DEDD2: variants seen among roughly 807,000 people sequenced by gnomAD.
DEDD2 encodes the protein DNA-binding death effector domain-containing protein 2.
DEDD2 carries 18 observed loss-of-function variants against 28.9 expected under a neutral mutation model. The ratio of observed to expected loss-of-function variants is 0.62; its 90% confidence interval spans 0.43 to 0.92. DEDD2 has a LOEUF of 0.92. Ranked by LOEUF, DEDD2 falls within the 40% of genes least tolerant of loss-of-function variation. The pLI is 0.00. For synonymous variants in DEDD2, 211 were observed against 206.1 expected (o/e 1.02, Z -0.20); for missense variants, 411 against 463.3 (o/e 0.89, Z 1.04).
At chr19:42,202,389 C>G (rs2035367185) in intron 4 of DEDD2, among the ~76,000 whole-genome samples, 1 of 152,186 alleles carries the variant, frequency 6.6e-6, no homozygotes, top group Admixed American at 6.5e-5. Context: ...CCTCCTCCAT[C>G]CAGAACATTT....
intron 4 of DEDD2, among the ~76,000 whole-genome samples, chr19:42,203,893 C>T (rs1017855691): frequency 6.6e-6 from 1 of 152,178 alleles, no homozygotes; most frequent in African/African-American, 2.4e-5. Flanking sequence ...CCAGTGTGGC[C>T]CTGAGGTGGC....
intron 3 of DEDD2, among the ~76,000 whole-genome samples, 164 bp from the exon 4 acceptor site, chr19:42,210,004 T>C (rs1483575143): frequency 6.6e-6 from 1 of 151,994 alleles, no homozygotes; most frequent in Non-Finnish European, 1.5e-5. Flanking sequence ...GAGTACCATC[T>C]AGCATCATCT....
chr19:42,205,105 G>A (rs1335152684), intron 4 of DEDD2, among the ~76,000 whole-genome samples: 1 of 152,102 alleles, frequency 6.6e-6, no homozygotes, highest in African/African-American at 2.4e-5. Flanking sequence ...AAAAGACAGG[G>A]TAGAACACAC....
At chr19:42,206,129 C>G (rs2035524889) in intron 4 of DEDD2, among the ~76,000 whole-genome samples, 1 of 151,470 alleles carries the variant, frequency 6.6e-6, no homozygotes, top group South Asian at 2.1e-4. Context: ...AAAGCTGATC[C>G]TGTCATTCAA....
chr19:42,209,948 G>A, intron 3 of DEDD2, 108 bp from the exon 4 acceptor site: 3 of 1,362,904 alleles, frequency 2.2e-6, no homozygotes, highest in Non-Finnish European at 2.9e-6. Flanking sequence ...GACCCTGAGT[G>A]AGCCAGTCTG....
chr19:42,200,789 G>C (rs1264380785), intron 4 of DEDD2, among the ~76,000 whole-genome samples: 4 of 152,226 alleles, frequency 2.6e-5, no homozygotes, highest in African/African-American at 9.6e-5. Flanking sequence ...GCCAGTTTGA[G>C]TCGGTTTCTG....
Position 42,199,761 on chromosome 19 carries a change from G to A in DEDD2, c.658C>T (p.Arg220Trp), listed in dbSNP as rs2035252354. Residue 220 changes from arginine to tryptophan, a missense_variant, in exon 5 of 5, where the codon CGG becomes TGG. By Grantham distance (101) the Arg-to-Trp change is moderately radical (BLOSUM62 -3). Around this residue, in one of 2 missense-constraint regions of DEDD2, gnomAD observed 129 missense variants for 189.9 expected, o/e 0.68. Coordinates refer to ENST00000596251, the MANE Select transcript of DEDD2 (RefSeq NM_133328.4). The surrounding 1 kb of genome is among the most constrained non-coding windows in gnomAD (Gnocchi z 7.4). ...GPALEQGVAS[R>W]RPQALARQLD... ...TGCCGCGCCAGCGCCTGGGGCCGCC[G>A]GGATGCCACGCCCTGCTCCAAGGCT... is the stretch of plus-strand genomic sequence containing the variant. 3.7e-6 allele frequency: 6 copies of A among 1,611,362 alleles called. No homozygotes were observed. The highest frequency in any genetic ancestry group is 5.1e-6 in the Non-Finnish European group (6 of 1,178,760).
intron 3 of DEDD2, among the ~76,000 whole-genome samples, chr19:42,210,805 C>T (rs901877856): frequency 1.3e-5 from 2 of 151,856 alleles, no homozygotes; most frequent in Non-Finnish European, 2.9e-5. Context: ...GTGTGGCTCC[C>T]GCCTACAATC....
At chr19:42,200,518 G>A (rs773996720) in intron 4 of DEDD2, among the ~76,000 whole-genome samples, 3 of 152,230 alleles carry the variant, frequency 2.0e-5, no homozygotes, top group African/African-American at 4.8e-5. Context: ...CCAGCACTGC[G>A]GATGCGCAGG....
intron 4 of DEDD2, among the ~76,000 whole-genome samples, chr19:42,208,168 A>G (rs1599767162): frequency 6.6e-6 from 1 of 152,282 alleles, no homozygotes. Flanking sequence ...TAGAGAAAGG[A>G]GTACTACAGT....
Position 42,216,711 on chromosome 19 carries a change from C to T in DEDD2, c.297G>A (p.Leu99=), listed in dbSNP as rs754338720. Residue 99 remains leucine, a synonymous_variant, in exon 2 of 5, where the codon CTG becomes CTA. Transcript: ENST00000596251. ...LLRVLARHDL[L]PHLARKRRRP... ...GGCGCCGCTTGCGCGCCAGGTGCGG[C>T]AGCAGGTCGTGGCGGGCCAGCACGC... 4 of 1,591,558 alleles carry T rather than the reference C, an allele frequency of 2.5e-6. No homozygotes were observed. Among genetic ancestry groups the T allele is most frequent in the Non-Finnish European group, 3.4e-6 (4 of 1,172,162 alleles).
At chr19:42,203,059 C>G (rs2035394052) in intron 4 of DEDD2, among the ~76,000 whole-genome samples, 1 of 152,210 alleles carries the variant, frequency 6.6e-6, no homozygotes, top group Non-Finnish European at 1.5e-5. Flanking sequence ...TTATTATTCC[C>G]TTTCTGCAGA....
intron 3 of DEDD2, among the ~76,000 whole-genome samples, chr19:42,213,987 T>C (rs1207446456): frequency 6.6e-6 from 1 of 152,194 alleles, no homozygotes; most frequent in Admixed American, 6.5e-5. Flanking sequence ...ATGCCTAATT[T>C]AGGGGTAAAG....
intron 4 of DEDD2, among the ~76,000 whole-genome samples, chr19:42,208,914 G>A (rs1013722903): frequency 1.3e-5 from 2 of 152,216 alleles, no homozygotes; most frequent in African/African-American, 4.8e-5. Context: ...ACAGGGAGGT[G>A]ATTATCAGCC....
chr19:42,209,617 C>T, intron 4 of DEDD2, 83 bp downstream of exon 4: 1 of 1,498,816 alleles, frequency 6.7e-7, no homozygotes, highest in Non-Finnish European at 8.9e-7. Context: ...GTGTCACATC[C>T]CCCAGAAAAA....
intron 4 of DEDD2, among the ~76,000 whole-genome samples, chr19:42,203,403 A>G (rs2035408514): frequency 6.6e-6 from 1 of 152,352 alleles, no homozygotes; most frequent in Admixed American, 6.5e-5. Context: ...TGGCATTCTC[A>G]GGAGAGATGA....
chr19:42,199,813 AACCCGGAGCCGG>A lies in DEDD2; in HGVS notation c.594_605del (p.Leu200_Arg203del). 1 of 1,595,878 alleles carries A rather than the reference AACCCGGAGCCGG, an allele frequency of 6.3e-7. No individual in the cohort carries two copies. The highest frequency in any genetic ancestry group is 8.5e-7 in the Non-Finnish European group (1 of 1,170,952). The stretch of plus-strand genomic sequence containing the variant: ...GCCCATGCTCGCAGTACTCTGCTCG[AACCCGGAGCCGG>A]ATGTCTGCAGGGGAAGGAGGGATTT... On this transcript the variant is annotated inframe_deletion, in exon 5 of 5. Transcript: ENST00000596251. This position sits in a 1 kb window ranked among gnomAD's most constrained non-coding sequence, Gnocchi z 7.4.
At chr19:42,202,865 G>A (rs1183156435) in intron 4 of DEDD2, among the ~76,000 whole-genome samples, 2 of 152,324 alleles carry the variant, frequency 1.3e-5, no homozygotes, top group African/African-American at 2.4e-5. Flanking sequence ...CAGGCAATAG[G>A]AGCAGGCGAG....
chr19:42,217,012 G>A lies in DEDD2; in HGVS notation c.-5C>T, dbSNP rs373191666. ...GGTCGACCCGGATAGCGCCATTCCC[G>A]GGGGAGGGAGGCGGAACAAGCTCAG... On this transcript the variant is annotated 5_prime_UTR_variant, in exon 2 of 5. Transcript: ENST00000596251. 3 of 1,572,216 alleles carry A rather than the reference G, an allele frequency of 1.9e-6. No individual in the cohort carries two copies. The African/African-American group carries it at 4.1e-5, about 21-fold the overall frequency.
Sources: gnomAD v4.1 joint callset for allele counts (sites outside exome capture counted in the v4.1 genomes callset) on GRCh38, gnomAD v4.1.1 for gene constraint, gnomAD v4.1.1 regional missense constraint, Gnocchi (gnomAD v3.1) non-coding constraint, MANE v1.5 for transcripts, NCBI Gene and HGNC (gene_info 2026-07-23, HGNC 2026-07-21) for gene names.